Variants in IPO8 observed in about 807,000 individuals in gnomAD.
The protein encoded by IPO8 is importin-8.
A neutral mutation model predicts 141.2 loss-of-function variants in IPO8; 65 were observed. The observed-to-expected ratio is 0.46, with a 90% confidence interval of 0.38 to 0.57. The LOEUF (loss-of-function observed/expected upper bound fraction) is 0.57. Among genes scored for constraint, IPO8 ranks in the 20% least tolerant of loss-of-function variants. The probability of loss-of-function intolerance (pLI) is 0.00; values close to 1 mark genes in which losing one functional copy is unlikely to be tolerated. For synonymous variants in IPO8, 411 were observed against 420.3 expected (o/e 0.98, Z 0.27); for missense variants, 980 against 1,246.8 (o/e 0.79, Z 3.22).
At chr12:30,682,816 C>T (rs796373254) in intron 3 of IPO8, among the ~76,000 whole-genome samples, 8 of 152,112 alleles carry the variant, frequency 5.3e-5, no homozygotes, top group African/African-American at 1.9e-4. Context: ...CTTTTCTTCA[C>T]GTTATCAAAT....
rs781710025 is a variant in IPO8, at chr12:30,639,631, G to A, written c.2373C>T (p.Tyr791=). Residue 791 remains tyrosine, a synonymous_variant, in exon 21 of 25, where the codon TAC becomes TAT. Coordinates refer to ENST00000256079, the MANE Select transcript of IPO8 (RefSeq NM_006390.4). ...MCLQVAIAAL[Y]YNPDLLLHTL... ...TATGTAGCAGCAAATCAGGGTTGTA[G>A]TACAAGGCAGCAATTGCAACCTGAA... The A allele has an allele frequency of 2.5e-6, 4 of 1,613,972 alleles. No homozygotes were observed. The African/African-American group carries it at 5.3e-5, about 22-fold the overall frequency.
At chr12:30,644,352 A>C (rs7310838) in intron 20 of IPO8, among the ~76,000 whole-genome samples, 84,805 of 150,084 alleles carry the variant, frequency 0.57, 25,046 homozygotes, top group African/African-American at 0.74. Flanking sequence ...GCCTAGGCAA[A>C]AGAGAGATCC....
chr12:30,652,134 G>T, intron 19 of IPO8, 58 bp downstream of exon 19: 1 of 939,728 alleles, frequency 1.1e-6, no homozygotes, highest in Non-Finnish European at 1.7e-6. Flanking sequence ...GTATCCTGAA[G>T]CAAAACAGGC....
chr12:30,687,641 A>T (rs1028897466), intron 2 of IPO8, among the ~76,000 whole-genome samples: 1 of 152,122 alleles, frequency 6.6e-6, no homozygotes, highest in African/African-American at 2.4e-5. Flanking sequence ...TTCTATCAAA[A>T]CAATATTAAA....
At chr12:30,634,423 T>C (rs991868586) in intron 22 of IPO8, 137 bp from the exon 23 acceptor site, 15 of 638,896 alleles carry the variant, frequency 2.3e-5, no homozygotes, top group African/African-American at 2.2e-4. Context: ...TAAAAATAAA[T>C]CTTATCCCTG....
chr12:30,690,051 A>G (rs2053276897), intron 2 of IPO8, among the ~76,000 whole-genome samples: 1 of 152,254 alleles, frequency 6.6e-6, no homozygotes, highest in African/African-American at 2.4e-5. Context: ...TGTTTAAAAC[A>G]TAGTCCTGCT....
At chr12:30,643,001 T>C (rs2052595283) in intron 20 of IPO8, among the ~76,000 whole-genome samples, 2 of 152,252 alleles carry the variant, frequency 1.3e-5, no homozygotes, top group Admixed American at 1.3e-4. Context: ...AACATTTTGC[T>C]GATCATCTTT....
At chr12:30,640,025 T>C (rs2136128165) in intron 20 of IPO8, among the ~76,000 whole-genome samples, 1 of 152,320 alleles carries the variant, frequency 6.6e-6, no homozygotes, top group East Asian at 1.9e-4. Flanking sequence ...ACAGTGTCAA[T>C]AATCCCTATG....
At position 30,630,842 on chromosome 12, in the gene IPO8, C is replaced by T; in HGVS notation, c.*18G>A. 1 of 1,581,042 alleles carries T rather than the reference C, an allele frequency of 6.3e-7. No homozygotes were observed. The highest frequency in any genetic ancestry group is 8.7e-7 in the Non-Finnish European group (1 of 1,151,338). Reference sequence around the variant, plus strand: ...ATAAAATGCAGCGATGACATTTGGTCAGCTGATGTTCTTTCCTTCAGTTGT... The same window carrying T: ...ATAAAATGCAGCGATGACATTTGGTTAGCTGATGTTCTTTCCTTCAGTTGT... On this transcript the variant is annotated 3_prime_UTR_variant, in exon 25 of 25. Coordinates refer to ENST00000256079, the MANE Select transcript of IPO8 (RefSeq NM_006390.4).
chr12:30,695,767 C>G lies in IPO8; in HGVS notation c.-120G>C. ...CTGGATTACCTCACACCCCACCCCC[C>G]GCCACCGTCGCCACCTGCGGCCACT... On this transcript the variant is annotated 5_prime_UTR_variant, in exon 1 of 25. Coordinates refer to ENST00000256079, the MANE Select transcript of IPO8 (RefSeq NM_006390.4). This position sits in a 1 kb window ranked among gnomAD's most constrained non-coding sequence, Gnocchi z 4.2. 3 of 807,198 alleles carry G rather than the reference C, an allele frequency of 3.7e-6. No homozygotes were observed. In the East Asian group the frequency reaches 9.2e-5, roughly 25 times the overall value. The allele number at this position is 807,198 out of a possible 1,614,324, so 50.0% of individuals were successfully genotyped here. A position where few individuals can be genotyped will look rare whatever the true frequency, so the allele number is the denominator to read the frequency against.
chr12:30,664,111 A>G (rs1268253948), intron 13 of IPO8, among the ~76,000 whole-genome samples: 1 of 152,154 alleles, frequency 6.6e-6, no homozygotes, highest in African/African-American at 2.4e-5. Context: ...AGATGATCAC[A>G]TTTTAACTAT....
At position 30,629,798 on chromosome 12, in the gene IPO8, G is replaced by A. The variant is rs772109525; in HGVS notation, c.*1062C>T. ...AAAGACACAAACAAATTAGGTAGGA[G>A]AAAATTCAAATAGGTGAGAAAGCAA... On this transcript the variant is annotated 3_prime_UTR_variant, in exon 25 of 25. Coordinates refer to ENST00000256079, the MANE Select transcript of IPO8 (RefSeq NM_006390.4). 3.9e-5 allele frequency: 6 copies of A among 152,034 alleles called. No homozygotes were observed. The highest frequency in any genetic ancestry group is 9.7e-5 in the African/African-American group (4 of 41,382). 9.4% of individuals were successfully genotyped at this position (152,034 alleles called of 1,614,324 possible). A position where few individuals can be genotyped will look rare whatever the true frequency, so the allele number is the denominator to read the frequency against.
At chr12:30,660,919 T>G (rs1270319310) in intron 16 of IPO8, among the ~76,000 whole-genome samples, 1 of 113,114 alleles carries the variant, frequency 8.8e-6, no homozygotes, top group Non-Finnish European at 1.9e-5. Context: ...TACTATATAC[T>G]TTATAATATT....
chr12:30,639,878 A>G (rs1479500013), intron 20 of IPO8, 143 bp from the exon 21 acceptor site: 1 of 631,510 alleles, frequency 1.6e-6, no homozygotes. Context: ...AGAGGTATTT[A>G]AAAGATTTAT....
intron 24 of IPO8, among the ~76,000 whole-genome samples, chr12:30,631,171 A>C (rs1231779564): frequency 6.6e-6 from 1 of 152,180 alleles, no homozygotes. Context: ...ATCTGCAAAA[A>C]ACGAGTGAAA....
intron 5 of IPO8, among the ~76,000 whole-genome samples, chr12:30,677,745 T>G (rs751550303): frequency 6.6e-6 from 1 of 152,208 alleles, no homozygotes; most frequent in Non-Finnish European, 1.5e-5. Context: ...ATATAAAACC[T>G]TTTAAAATAT....
At chr12:30,673,941 T>TA (rs777161297) in intron 8 of IPO8, 49 bp downstream of exon 8, 1 of 1,134,868 alleles carries the variant, frequency 8.8e-7, no homozygotes, top group Non-Finnish European at 1.3e-6. Flanking sequence ...GAAATGCCTT[T>TA]ACTTTCAGTA....
chr12:30,632,084 CA>C, intron 23 of IPO8, 73 bp from the exon 24 acceptor site: 1 of 947,188 alleles, frequency 1.1e-6, no homozygotes, highest in Non-Finnish European at 1.6e-6. Flanking sequence ...GTAACATGAT[CA>C]AATTACAAAG....
intron 5 of IPO8, among the ~76,000 whole-genome samples, chr12:30,679,643 T>C (rs2053164498): frequency 6.6e-6 from 1 of 152,128 alleles, no homozygotes; most frequent in African/African-American, 2.4e-5. Context: ...AGGGGAAGCT[T>C]TAATAAAAAT....
Sources: allele counts gnomAD v4.1 joint callset (sites outside exome capture counted in the v4.1 genomes callset), GRCh38; gene constraint gnomAD v4.1.1; non-coding constraint Gnocchi (gnomAD v3.1); transcripts MANE v1.5; gene names NCBI Gene and HGNC (gene_info 2026-07-23, HGNC 2026-07-21).